The following GPCPD1 variants were observed in gnomAD, a reference collection of about 807,000 sequenced individuals.
GPCPD1 encodes the protein glycerophosphocholine phosphodiesterase GPCPD1.
Under a neutral mutation model 89.2 loss-of-function variants are expected in GPCPD1, and 29 were observed. That is an observed-to-expected ratio of 0.33 (90% CI 0.24 to 0.44). GPCPD1 has a LOEUF of 0.44. Ranked by LOEUF, GPCPD1 falls within the 20% of genes least tolerant of loss-of-function variation. The pLI is 1.00. For synonymous variants in GPCPD1, 258 were observed against 266.3 expected (o/e 0.97, Z 0.30); for missense variants, 594 against 808.9 (o/e 0.73, Z 3.22).
chr20:5,568,230 G>GTATA (rs3057280), intron 12 of GPCPD1, among the ~76,000 whole-genome samples: 2,511 of 145,512 alleles, frequency 0.017, 62 homozygotes, highest in African/African-American at 0.057. Flanking sequence ...AATATACTTA[G>GTATA]TATATATATA....
intron 2 of GPCPD1, among the ~76,000 whole-genome samples, chr20:5,600,760 A>T (rs1980075067): frequency 6.6e-6 from 1 of 152,130 alleles, no homozygotes; most frequent in Non-Finnish European, 1.5e-5. Flanking sequence ...TGAACCCAGG[A>T]GGCTGAGGCT....
At chr20:5,600,947 G>A (rs1464904249) in intron 2 of GPCPD1, among the ~76,000 whole-genome samples, 1 of 152,064 alleles carries the variant, frequency 6.6e-6, no homozygotes, top group Non-Finnish European at 1.5e-5. Flanking sequence ...CCAAGATCAT[G>A]CCACTGCACT....
chr20:5,570,284 A>T, intron 11 of GPCPD1, 45 bp from the exon 12 acceptor site: 4 of 924,462 alleles, frequency 4.3e-6, no homozygotes, highest in South Asian at 2.8e-5. Flanking sequence ...CCTGGTACAC[A>T]GTACCTCTCA....
At chr20:5,571,190 G>C (rs1399406487) in intron 11 of GPCPD1, among the ~76,000 whole-genome samples, 3 of 152,216 alleles carry the variant, frequency 2.0e-5, no homozygotes, top group Non-Finnish European at 4.4e-5. Context: ...GAGTTCAAGA[G>C]TCTGGCGAGG....
rs868076848 is a variant in GPCPD1 at position 5,555,799 on chromosome 20, A to C, written c.1829+2146T>G. ...AACCCAGGAGATGGAGGTTGCAGTG[A>C]GCCAAGATCATGCCATTGCACTCCA... is the stretch of plus-strand genomic sequence containing the variant. On this transcript the variant is annotated intron_variant, in intron 19 of 19. Coordinates refer to ENST00000379019, the MANE Select transcript of GPCPD1 (RefSeq NM_019593.5). 4.6e-5 allele frequency among the ~76,000 whole-genome samples: 7 copies of C among 152,360 alleles called. No individual in the cohort carries two copies. In the Middle Eastern group the frequency reaches 0.01, roughly 222 times the overall value.
chr20:5,585,632 A>G (rs1978867997), intron 5 of GPCPD1: 1 of 151,598 alleles, frequency 6.6e-6, no homozygotes, highest in Non-Finnish European at 1.5e-5. Context: ...AAAAGACAAA[A>G]AAAAAAAAGA....
intron 3 of GPCPD1, among the ~76,000 whole-genome samples, chr20:5,596,999 G>C (rs1256377266): frequency 6.6e-6 from 1 of 152,132 alleles, no homozygotes; most frequent in African/African-American, 2.4e-5. Context: ...GGACAGGCAG[G>C]GGTGTGTTTT....
At chr20:5,584,094 G>A (rs1379439419) in intron 6 of GPCPD1, among the ~76,000 whole-genome samples, 187 bp downstream of exon 6, 1 of 152,150 alleles carries the variant, frequency 6.6e-6, no homozygotes, top group African/African-American at 2.4e-5. Context: ...GTAAGTACAG[G>A]GAATTTTTCA....
chr20:5,601,695 A>C (rs1273132502), intron 2 of GPCPD1, among the ~76,000 whole-genome samples: 1 of 152,054 alleles, frequency 6.6e-6, no homozygotes, highest in Non-Finnish European at 1.5e-5. Flanking sequence ...AACAAAAAAA[A>C]CTTCTTCATG....
At chr20:5,579,137 A>C (rs553407227) in intron 7 of GPCPD1, among the ~76,000 whole-genome samples, 25 of 152,188 alleles carry the variant, frequency 1.6e-4, no homozygotes, top group Admixed American at 1.0e-3. Context: ...GTGAGCCGAG[A>C]TTGCACCACT....
chr20:5,603,793 G>A (rs1248645169), intron 2 of GPCPD1, among the ~76,000 whole-genome samples: 1 of 150,590 alleles, frequency 6.6e-6, no homozygotes. Context: ...GTCACCCAGG[G>A]TGGAGTGCAA....
chr20:5,609,723 T>G (rs1980828836), intron 1 of GPCPD1, among the ~76,000 whole-genome samples: 1 of 152,194 alleles, frequency 6.6e-6, no homozygotes, highest in Non-Finnish European at 1.5e-5. Flanking sequence ...ATTTAAATTT[T>G]GTCTAGAATA....
intron 19 of GPCPD1, among the ~76,000 whole-genome samples, chr20:5,550,283 CAAAA>C (rs11476159): frequency 2.6e-5 from 2 of 76,048 alleles, no homozygotes; most frequent in East Asian, 5.1e-4. Context: ...TCAAATGAAG[CAAAA>C]AAAAAAAAAA....
intron 8 of GPCPD1, 141 bp from the exon 9 acceptor site, chr20:5,576,119 A>C (rs1360395500): frequency 4.7e-6 from 2 of 423,722 alleles, no homozygotes; most frequent in Non-Finnish European, 8.2e-6. Flanking sequence ...TTTTTTTTTC[A>C]TAAAAACTTC....
rs1368147318 is a variant in GPCPD1, at chr20:5,578,401, T to C, written c.684A>G (p.Glu228=). 1 of 1,610,376 alleles carries C rather than the reference T, an allele frequency of 6.2e-7. No homozygotes were observed. The highest frequency in any genetic ancestry group is 8.5e-7 in the Non-Finnish European group (1 of 1,176,634). Residue 228 remains glutamate, a synonymous_variant, in exon 8 of 20, where the codon GAA becomes GAG. Transcript: ENST00000379019. ...TCACTTCGAAAAAATCAAAGATTAG[T>C]TCCAGGTTATCTGGTTCCATCGTCT... ...SIQTMEPDNL[E]LIFDFFEEDL... is the part of the protein sequence containing the mutation.
Position 5,565,089 on chromosome 20 carries a change from A to C in GPCPD1, c.1268-11T>G. On this transcript the variant is annotated splice_polypyrimidine_tract_variant and intron_variant, in intron 14 of 19. Transcript: ENST00000379019. ...CCTGAACCACAGATTCTGAAATTTT[A>C]AAACACAAAATCTCAGTAAATAAAA... The C allele has an allele frequency of 7.1e-7, 1 of 1,417,824 alleles. No individual in the cohort carries two copies. The highest frequency in any genetic ancestry group is 1.0e-6 in the Non-Finnish European group (1 of 1,002,168). The allele number at this position is 1,417,824 out of a possible 1,614,324, so 87.8% of individuals were successfully genotyped here.
chr20:5,603,130 T>C (rs771010930), intron 2 of GPCPD1, among the ~76,000 whole-genome samples: 25 of 150,650 alleles, frequency 1.7e-4, no homozygotes, highest in South Asian at 1.3e-3. Flanking sequence ...CTGTCTCTAC[T>C]AAAAATACAA....
intron 1 of GPCPD1, among the ~76,000 whole-genome samples, chr20:5,604,760 T>C (rs1254453263): frequency 7.9e-6 from 1 of 126,056 alleles, no homozygotes; most frequent in East Asian, 2.5e-4. Context: ...GGCAATATAG[T>C]GAGGCCTCAT....
At chr20:5,576,679 T>C (rs780596685) in intron 8 of GPCPD1, among the ~76,000 whole-genome samples, 3 of 152,190 alleles carry the variant, frequency 2.0e-5, no homozygotes, top group Non-Finnish European at 4.4e-5. Flanking sequence ...TAAGATATAT[T>C]TGTAGTGAAT....
Sources: gnomAD v4.1 joint callset for allele counts (sites outside exome capture counted in the v4.1 genomes callset) on GRCh38, gnomAD v4.1.1 for gene constraint, MANE v1.5 for transcripts, NCBI Gene and HGNC (gene_info 2026-07-23, HGNC 2026-07-21) for gene names.